Variants in LRRC4C observed in about 807,000 individuals in gnomAD.
LRRC4C encodes leucine-rich repeat-containing protein 4C.
LRRC4C carries 5 observed loss-of-function variants against 33.6 expected under a neutral mutation model. The ratio of observed to expected loss-of-function variants is 0.15; its 90% CI spans 0.08 to 0.31. The LOEUF is 0.31. LRRC4C is among the 10% of genes least tolerant of loss of function. LRRC4C has a pLI of 1.00. For synonymous variants in LRRC4C, 329 were observed against 302.0 expected, an observed-to-expected ratio of 1.09 and a Z score of -0.93; for missense variants, 560 against 796.7, an observed-to-expected ratio of 0.70 and a Z score of 3.58.
chr11:40,816,057 T>C (rs1240776837), intron 2 of LRRC4C, among the ~76,000 whole-genome samples: 1 of 152,186 alleles, frequency 6.6e-6, no homozygotes, highest in Non-Finnish European at 1.5e-5. Context: ...AGGACAGAAA[T>C]CAGCCACTTT....
At chr11:41,034,607 GT>G (rs34004918) in intron 1 of LRRC4C, among the ~76,000 whole-genome samples, 1 of 97,040 alleles carries the variant, frequency 1.0e-5, no homozygotes, top group African/African-American at 3.8e-5. Context: ...ATATGGTGAC[GT>G]ATATATATAT....
intron 3 of LRRC4C, among the ~76,000 whole-genome samples, chr11:40,506,799 ATG>A (rs1267492241): frequency 1.3e-5 from 2 of 152,126 alleles, no homozygotes; most frequent in African/African-American, 4.8e-5. Context: ...ATAAATGAAC[ATG>A]TATAAGGTCC....
chr11:41,157,222 A>T (rs1212723447), intron 1 of LRRC4C, among the ~76,000 whole-genome samples: 3 of 152,070 alleles, frequency 2.0e-5, no homozygotes, highest in Non-Finnish European at 4.4e-5. Flanking sequence ...TAAATGTTCC[A>T]GACAGGGGAA....
chr11:41,037,719 AG>A lies in LRRC4C; in HGVS notation c.-495-103997del, dbSNP rs1761490158. ...AGACTTAGAAAAGCTAAATTGCTCA[AG>A]ATAACACATATAGTAGGTGAGTGGA... On this transcript the variant is annotated intron_variant, in intron 1 of 6. Coordinates refer to ENST00000528697, the MANE Select transcript of LRRC4C (RefSeq NM_001258419.2). Among the ~76,000 whole-genome samples the A allele has an allele frequency of 2.6e-5, 4 of 152,286 alleles. No individual in the cohort carries two copies. In the South Asian group the frequency reaches 8.3e-4, roughly 32 times the overall value.
At chr11:40,188,339 A>T (rs1020334589) in intron 5 of LRRC4C, among the ~76,000 whole-genome samples, 1 of 152,208 alleles carries the variant, frequency 6.6e-6, no homozygotes, top group Admixed American at 6.5e-5. Flanking sequence ...CCTTAAACAT[A>T]TGACTACAGA....
intron 5 of LRRC4C, among the ~76,000 whole-genome samples, chr11:40,154,951 G>T (rs912977500): frequency 3.9e-5 from 6 of 151,926 alleles, no homozygotes; most frequent in African/African-American, 1.5e-4. Flanking sequence ...CCATATGATA[G>T]GCCATAAAAT....
At chr11:41,086,053 A>C (rs911292481) in intron 1 of LRRC4C, among the ~76,000 whole-genome samples, 14 of 152,050 alleles carry the variant, frequency 9.2e-5, no homozygotes, top group Admixed American at 7.9e-4. Context: ...ATTTTTCTCC[A>C]AATTAAGTGT....
At chr11:40,218,629 TG>T (rs779066505) in intron 5 of LRRC4C, among the ~76,000 whole-genome samples, 10,176 of 143,906 alleles carry the variant, frequency 0.071, 742 homozygotes, top group African/African-American at 0.15. Flanking sequence ...TATGTATGTA[TG>T]TATGTATCTA....
At chr11:41,176,427 A>G (rs2136124060) in intron 1 of LRRC4C, among the ~76,000 whole-genome samples, 1 of 152,266 alleles carries the variant, frequency 6.6e-6, no homozygotes, top group South Asian at 2.1e-4. Context: ...TACTTTGCAT[A>G]TAATGTGGTT....
intron 2 of LRRC4C, among the ~76,000 whole-genome samples, chr11:40,665,364 GTATATAT>G (rs1943741566): frequency 4.1e-5 from 1 of 24,614 alleles, no homozygotes. Flanking sequence ...ATATATATAT[GTATATAT>G]ATATATATAT....
intron 3 of LRRC4C, among the ~76,000 whole-genome samples, chr11:40,469,041 T>TA (rs573840362): frequency 1.2e-3 from 179 of 152,258 alleles, no homozygotes; most frequent in African/African-American, 3.9e-3. Context: ...TGACATGTAG[T>TA]AAAATAAAGG....
intron 2 of LRRC4C, among the ~76,000 whole-genome samples, chr11:40,742,809 C>T (rs1048201775): frequency 1.3e-5 from 2 of 152,044 alleles, no homozygotes; most frequent in Non-Finnish European, 2.9e-5. Context: ...TTTTGAGCCT[C>T]TTTGTAATGA....
chr11:40,492,609 G>C (rs888870874), intron 3 of LRRC4C, among the ~76,000 whole-genome samples: 4 of 152,030 alleles, frequency 2.6e-5, no homozygotes, highest in African/African-American at 7.3e-5. Flanking sequence ...CAATTCAACT[G>C]TTTCTTCCCA....
intron 3 of LRRC4C, among the ~76,000 whole-genome samples, chr11:40,598,118 T>C (rs538186167): frequency 6.6e-6 from 1 of 152,336 alleles, no homozygotes; most frequent in South Asian, 2.1e-4. Context: ...ACACAAGATA[T>C]TTAAAAGTCT....
chr11:41,085,833 G>T (rs539731271), intron 1 of LRRC4C, among the ~76,000 whole-genome samples: 1 of 144,250 alleles, frequency 6.9e-6, no homozygotes, highest in African/African-American at 2.6e-5. Flanking sequence ...GGATTTTTTC[G>T]ATAACTGGCA....
chr11:40,944,806 G>T (rs1485057536), intron 1 of LRRC4C, among the ~76,000 whole-genome samples: 3 of 152,102 alleles, frequency 2.0e-5, no homozygotes, highest in African/African-American at 7.2e-5. Context: ...GGCCATCTTG[G>T]CCCATATATT....
chr11:40,663,454 T>A (rs2136222864), intron 2 of LRRC4C, among the ~76,000 whole-genome samples: 1 of 152,346 alleles, frequency 6.6e-6, no homozygotes, highest in Non-Finnish European at 1.5e-5. Flanking sequence ...TCTGACCATA[T>A]AGCAGATTGG....
intron 1 of LRRC4C, among the ~76,000 whole-genome samples, chr11:41,293,173 T>C (rs537606076): frequency 6.6e-6 from 1 of 152,326 alleles, no homozygotes; most frequent in African/African-American, 2.4e-5. Flanking sequence ...ATCCAAATGT[T>C]ATTTTAAACA....
chr11:41,023,686 A>C (rs1249094871), intron 1 of LRRC4C, among the ~76,000 whole-genome samples: 1 of 151,792 alleles, frequency 6.6e-6, no homozygotes, highest in Non-Finnish European at 1.5e-5. Flanking sequence ...CGTGTTACAA[A>C]TCAATCTAAA....
Sources: gnomAD v4.1 joint callset for allele counts (sites outside exome capture counted in the v4.1 genomes callset) on GRCh38, gnomAD v4.1.1 for gene constraint, MANE v1.5 for transcripts, NCBI Gene and HGNC (gene_info 2026-07-23, HGNC 2026-07-21) for gene names.